The following DNAJB6 variants were observed in gnomAD, a reference collection of about 807,000 sequenced individuals.
DNAJB6 encodes dnaJ homolog subfamily B member 6.
In DNAJB6, 16 loss-of-function variants were observed where a neutral mutation model predicts 42.7. That is an observed-to-expected ratio of 0.37 (90% confidence interval 0.25 to 0.57). The LOEUF is 0.57. Ranked by LOEUF, DNAJB6 falls within the 20% of genes least tolerant of loss-of-function variation. The pLI, the probability that DNAJB6 is intolerant of heterozygous loss-of-function variation, is 0.74. For synonymous variants in DNAJB6, 170 were observed against 163.5 expected (o/e 1.04, Z -0.30); for missense variants, 347 against 416.8 (o/e 0.83, Z 1.46).
intron 3 of DNAJB6, among the ~76,000 whole-genome samples, chr7:157,365,966 G>GC (rs1799822650): frequency 1.0e-5 from 1 of 100,480 alleles, no homozygotes; most frequent in Non-Finnish European, 2.3e-5. Context: ...GCGTGGCTAA[G>GC]TCCCCCCCGC....
intron 8 of DNAJB6, among the ~76,000 whole-genome samples, chr7:157,408,219 G>A (rs918529398): frequency 6.6e-6 from 1 of 152,194 alleles, no homozygotes; most frequent in Non-Finnish European, 1.5e-5. Context: ...CGCGCGGGCC[G>A]GGTGTTGACA....
intron 5 of DNAJB6, among the ~76,000 whole-genome samples, chr7:157,376,859 G>C (rs975516848): frequency 2.6e-5 from 4 of 152,178 alleles, no homozygotes; most frequent in African/African-American, 9.7e-5. Context: ...CAGCCTGGGC[G>C]ACAGAGCAAG....
intron 1 of DNAJB6, among the ~76,000 whole-genome samples, chr7:157,356,445 G>A (rs1451600909): frequency 6.6e-6 from 1 of 152,170 alleles, no homozygotes; most frequent in Non-Finnish European, 1.5e-5. Flanking sequence ...GTCGACTCCT[G>A]TCTTTTCTCT....
At chr7:157,363,065 G>C in intron 2 of DNAJB6, 96 bp from the exon 3 acceptor site, 1 of 764,074 alleles carries the variant, frequency 1.3e-6, no homozygotes, top group South Asian at 1.7e-5. Flanking sequence ...CCAGTTGGCA[G>C]CTCTGAAGCC....
chr7:157,364,165 A>C (rs1799738318), intron 3 of DNAJB6, among the ~76,000 whole-genome samples: 1 of 151,760 alleles, frequency 6.6e-6, no homozygotes, highest in African/African-American at 2.4e-5. Flanking sequence ...AGATTGCGCC[A>C]CTGCACTCCA....
At chr7:157,344,209 C>T (rs570897323) in intron 1 of DNAJB6, among the ~76,000 whole-genome samples, 289 of 152,278 alleles carry the variant, frequency 1.9e-3, no homozygotes, top group African/African-American at 3.5e-3. Context: ...GGCGTGGTGA[C>T]AGGTGCCTGT....
intron 2 of DNAJB6, among the ~76,000 whole-genome samples, chr7:157,362,628 A>G (rs1221762259): frequency 1.3e-5 from 2 of 152,050 alleles, no homozygotes. Context: ...CCCACCTCCC[A>G]AAGTGCTGGG....
chr7:157,366,415 C>G, intron 3 of DNAJB6, 87 bp from the exon 4 acceptor site: 1 of 1,254,458 alleles, frequency 8.0e-7, no homozygotes, highest in Admixed American at 1.9e-5. Context: ...ACATCGAAAA[C>G]TGATTTACAA....
At position 157,355,421 on chromosome 7, in the gene DNAJB6, A is replaced by G. The variant is rs1040156637; in HGVS notation, c.-26-3126A>G. Reference sequence around the variant, plus strand: ...GTGATCTGCCCGCCTCGGCCTCCCAAAGTGGTGGGATTACAGGCGTGAGCC... The same window carrying G: ...GTGATCTGCCCGCCTCGGCCTCCCAGAGTGGTGGGATTACAGGCGTGAGCC... On this transcript the variant is annotated intron_variant, in intron 1 of 9. Coordinates refer to ENST00000262177, the MANE Select transcript of DNAJB6 (RefSeq NM_058246.4). Among the ~76,000 whole-genome samples the G allele has an allele frequency of 2.6e-5, 4 of 152,112 alleles. No homozygotes were observed. The South Asian group carries it at 6.2e-4, about 24-fold the overall frequency.
chr7:157,355,991 C>T (rs1319360891), intron 1 of DNAJB6, among the ~76,000 whole-genome samples: 1 of 152,244 alleles, frequency 6.6e-6, no homozygotes, highest in Non-Finnish European at 1.5e-5. Flanking sequence ...TTCCCACCAC[C>T]ATATGCACAA....
chr7:157,359,857 G>A (rs1249582644), intron 2 of DNAJB6, among the ~76,000 whole-genome samples: 2 of 152,190 alleles, frequency 1.3e-5, no homozygotes, highest in African/African-American at 2.4e-5. Flanking sequence ...TTGCCTGAAG[G>A]TTATTTGAAA....
chr7:157,352,501 G>T (rs1245032671), intron 1 of DNAJB6, among the ~76,000 whole-genome samples: 1 of 151,918 alleles, frequency 6.6e-6, no homozygotes, highest in African/African-American at 2.4e-5. Flanking sequence ...AGATGGGGGT[G>T]GGGGTGATTT....
At chr7:157,355,679 A>G (rs1212182911) in intron 1 of DNAJB6, among the ~76,000 whole-genome samples, 1 of 152,182 alleles carries the variant, frequency 6.6e-6, no homozygotes, top group Non-Finnish European at 1.5e-5. Context: ...GGCTAAGGGT[A>G]AGCAGTGCAG....
At chr7:157,363,402 C>T in intron 3 of DNAJB6, 132 bp downstream of exon 3, 1 of 573,574 alleles carries the variant, frequency 1.7e-6, no homozygotes, top group Non-Finnish European at 3.2e-6. Flanking sequence ...GATTTTGGGC[C>T]CTTCTAAGAG....
chr7:157,343,435 G>T lies in DNAJB6; in HGVS notation c.-27+6291G>T, dbSNP rs186043831. The stretch of plus-strand genomic sequence containing the variant: ...CCTCCAAAGTGCTGGGATTACAGGC[G>T]TGAGCCACCTCACCTGGCCTCAGAT... On this transcript the variant is annotated intron_variant, in intron 1 of 9. Coordinates refer to ENST00000262177, the MANE Select transcript of DNAJB6 (RefSeq NM_058246.4). Among the ~76,000 whole-genome samples, 211 of 151,658 alleles carry T rather than the reference G, an allele frequency of 1.4e-3. 1 individual carries two copies. The highest frequency in any genetic ancestry group is 9.2e-3 in the East Asian group (47 of 5,128).
intron 1 of DNAJB6, among the ~76,000 whole-genome samples, chr7:157,343,598 G>A (rs1053496140): frequency 4.5e-4 from 69 of 152,182 alleles, no homozygotes; most frequent in African/African-American, 1.2e-3. Context: ...AACTACAGGC[G>A]CCACCACGTC....
At chr7:157,344,121 A>G (rs1357600654) in intron 1 of DNAJB6, among the ~76,000 whole-genome samples, 1 of 152,192 alleles carries the variant, frequency 6.6e-6, no homozygotes, top group Non-Finnish European at 1.5e-5. Flanking sequence ...TGGTCAGATC[A>G]CAAGGTCAGG....
chr7:157,349,198 A>G (rs968643228), intron 1 of DNAJB6, among the ~76,000 whole-genome samples: 2 of 152,144 alleles, frequency 1.3e-5, no homozygotes, highest in African/African-American at 4.8e-5. Flanking sequence ...ATATTTGTCT[A>G]CATGCCTGTC....
intron 8 of DNAJB6, among the ~76,000 whole-genome samples, chr7:157,388,599 T>C (rs923207111): frequency 1.3e-5 from 2 of 150,774 alleles, no homozygotes; most frequent in Non-Finnish European, 3.0e-5. Flanking sequence ...AAGTTTTATT[T>C]TTAAAGTCTT....
Sources: gnomAD v4.1 joint callset for allele counts (sites outside exome capture counted in the v4.1 genomes callset) on GRCh38, gnomAD v4.1.1 for gene constraint, MANE v1.5 for transcripts, NCBI Gene and HGNC (gene_info 2026-07-23, HGNC 2026-07-21) for gene names.